Variants in CLCNKB observed in about 807,000 individuals in gnomAD.
The protein encoded by CLCNKB is chloride voltage-gated channel Kb, also known as chloride channel protein ClC-Kb.
Under a neutral mutation model 83.8 loss-of-function variants are expected in CLCNKB, and 74 were observed. The ratio of observed to expected loss-of-function variants is 0.88; its 90% confidence interval spans 0.73 to 1.07. The LOEUF is 1.07. CLCNKB is among the 50% of genes least tolerant of loss of function. CLCNKB has a pLI of 0.00. For missense variants in CLCNKB, 798 were observed against 893.6 expected (o/e 0.89, Z 1.36); for synonymous variants, 358 against 356.6 (o/e 1.00, Z -0.04).
At chr1:16,045,747 G>A in intron 3 of CLCNKB, 61 bp downstream of exon 3, 1 of 1,421,672 alleles carries the variant, frequency 7.0e-7, no homozygotes, top group South Asian at 1.1e-5. Context: ...CTCTGGGGAT[G>A]CCAGGTGGAT....
chr1:16,055,538 G>A lies in CLCNKB; in HGVS notation c.1845+15G>A. On this transcript the variant is annotated intron_variant, in intron 17 of 19. Coordinates refer to ENST00000375679, the MANE Select transcript of CLCNKB (RefSeq NM_000085.5). Reference sequence around the variant, plus strand: ...CTGGACACCAGGTGGGTACTCCTGAGGGGCATGGGGATGGGGCGGGGGTGG... The same window carrying A: ...CTGGACACCAGGTGGGTACTCCTGAAGGGCATGGGGATGGGGCGGGGGTGG... 1 of 1,591,802 alleles carries A rather than the reference G, an allele frequency of 6.3e-7. No homozygotes were observed. The highest frequency in any genetic ancestry group is 1.7e-4 in the Middle Eastern group (1 of 5,906).
At chr1:16,047,295 A>G (rs1470809436) in intron 4 of CLCNKB, among the ~76,000 whole-genome samples, 1 of 152,022 alleles carries the variant, frequency 6.6e-6, no homozygotes, top group Non-Finnish European at 1.5e-5. Flanking sequence ...ATAGAAAAAA[A>G]TCAGCTGGGC....
chr1:16,051,102 G>A (rs1001135349), intron 12 of CLCNKB, 54 bp downstream of exon 12: 2 of 1,592,354 alleles, frequency 1.3e-6, no homozygotes, highest in Non-Finnish European at 1.7e-6. Flanking sequence ...TCTGGTGGTG[G>A]TGGGGGGTAC....
In CLCNKB at chr1:16,050,501, A is replaced by G. The variant is rs749463748; in HGVS notation, c.969-15A>G. ...AAAGGGAGGGCCAGCCCTAGAGCCC[A>G]CCCATCCCCCACAGCAAGCCTGTGT... On this transcript the variant is annotated splice_polypyrimidine_tract_variant and intron_variant, in intron 10 of 19. Coordinates refer to ENST00000375679, the MANE Select transcript of CLCNKB (RefSeq NM_000085.5). 5.0e-6 allele frequency: 8 copies of G among 1,613,104 alleles called. No homozygotes were observed. The East Asian group carries it at 1.8e-4, about 36-fold the overall frequency.
Position 16,050,898 on chromosome 1 carries a change from C to T in CLCNKB, c.1077C>T (p.Asp359=), listed in dbSNP as rs1288805914. Residue 359 remains aspartate (D), a synonymous_variant, in exon 12 of 20, where the codon GAC becomes GAT. Coordinates refer to ENST00000375679, the MANE Select transcript of CLCNKB (RefSeq NM_000085.5). ...ASRLSMKQHL[D]SLFDNHSWAL... is the part of the protein sequence containing the mutation. ...AGCTGTCCATGAAGCAGCATCTGGA[C>T]TCGCTGTTCGACAACCACTCCTGGG... 6.2e-7 allele frequency: 1 copy of T among 1,612,352 alleles called. No homozygotes were observed. Among genetic ancestry groups the T allele is most frequent in the East Asian group, 2.2e-5 (1 of 44,878 alleles).
intron 13 of CLCNKB, 50 bp downstream of exon 13, chr1:16,051,597 G>C: frequency 6.2e-7 from 1 of 1,610,820 alleles, no homozygotes; most frequent in South Asian, 1.1e-5. Flanking sequence ...CTTGGGGCAG[G>C]ACCATGGCTC....
Position 16,051,741 on chromosome 1 carries a change from T to C in CLCNKB, c.1329T>C (p.Thr443=). ...CTATCGGGCGCCTCTTTGGGGAGAC[T>C]CTCTCTTTTATCTTCCCTGAGGGCA... is the stretch of plus-strand genomic sequence containing the variant. ...GAAIGRLFGE[T]LSFIFPEGIV... The change falls in exon 14 of 20, where the codon ACT becomes ACC. Residue 443 remains threonine, a synonymous_variant. Transcript: ENST00000375679. 6.2e-7 allele frequency: 1 copy of C among 1,613,770 alleles called. No homozygotes were observed. The highest frequency in any genetic ancestry group is 8.5e-7 in the Non-Finnish European group (1 of 1,179,896).
intron 19 of CLCNKB, 69 bp from the exon 20 acceptor site, chr1:16,056,800 A>G: frequency 9.1e-7 from 1 of 1,095,680 alleles, no homozygotes; most frequent in Non-Finnish European, 1.4e-6. Context: ...GGGGAACCAA[A>G]AATGCTGGAG....
chr1:16,055,669 C>T lies in CLCNKB; in HGVS notation c.1846-6C>T. 1 of 1,613,736 alleles carries T rather than the reference C, an allele frequency of 6.2e-7. No homozygotes were observed. Among genetic ancestry groups the T allele is most frequent in the Non-Finnish European group, 8.5e-7 (1 of 1,179,962 alleles). On this transcript the variant is annotated splice_region_variant and splice_polypyrimidine_tract_variant and intron_variant, in intron 17 of 19. Transcript: ENST00000375679. The stretch of plus-strand genomic sequence containing the variant: ...CCCTGCACCTGTAACCCTTCCCCAC[C>T]CCCAGCAGTGTCTCCAGGACATCTT...
chr1:16,048,059 G>T lies in CLCNKB; in HGVS notation c.498+15G>T, dbSNP rs1190063527. On this transcript the variant is annotated intron_variant, in intron 5 of 19. Coordinates refer to ENST00000375679, the MANE Select transcript of CLCNKB (RefSeq NM_000085.5). ...TCGGGAAAGTGGTATGGGCAGGGGT[G>T]AGGGCATCCCAACCACCCTACCCAC... 8 of 1,610,414 alleles carry T rather than the reference G, an allele frequency of 5.0e-6. No homozygotes were observed. Among genetic ancestry groups the T allele is most frequent in the Middle Eastern group, 3.3e-4 (2 of 6,042 alleles).
Position 16,046,560 on chromosome 1 carries a change from T to G in CLCNKB, c.255T>G (p.Ile85Met), listed in dbSNP as rs766373009. 12 of 1,613,956 alleles carry G rather than the reference T, an allele frequency of 7.4e-6. No individual in the cohort carries two copies. In the East Asian group the frequency reaches 1.8e-4, roughly 24 times the overall value. The change falls in exon 4 of 20, where the codon ATT becomes ATG. Residue 85 changes from isoleucine (I) to methionine (M), a missense_variant. Coordinates refer to ENST00000375679, the MANE Select transcript of CLCNKB (RefSeq NM_000085.5). ...CGCACCAGTGGCTGTACAGGGAGAT[T>G]GGGGACAGCCACCTGCTCCGGTATC... ...VRAHQWLYRE[I>M]GDSHLLRYLS...
chr1:16,053,404 G>C (rs2023351031), intron 15 of CLCNKB, among the ~76,000 whole-genome samples: 1 of 152,154 alleles, frequency 6.6e-6, no homozygotes, highest in Non-Finnish European at 1.5e-5. Flanking sequence ...GCTGGTCTGG[G>C]GGACACGGGG....
At position 16,048,127 on chromosome 1, in the gene CLCNKB, C is replaced by G. The variant is rs2863440; in HGVS notation, c.498+83C>G. 0.8 allele frequency: 1,226,885 copies of G among 1,541,062 alleles called. 496,521 individuals are homozygous for G. Among genetic ancestry groups the G allele is most frequent in the East Asian group, 0.99 (42,600 of 43,206 alleles). On this transcript the variant is annotated intron_variant, in intron 5 of 19. Coordinates refer to ENST00000375679, the MANE Select transcript of CLCNKB (RefSeq NM_000085.5). ...CACCCCCATCACCCCACGAAAGCTG[C>G]GTCAGAGGGGACTTGGGCTGGTCCC... is the stretch of plus-strand genomic sequence containing the variant.
chr1:16,045,756 A>G, intron 3 of CLCNKB, 70 bp downstream of exon 3: 1 of 891,776 alleles, frequency 1.1e-6, no homozygotes, highest in East Asian at 5.3e-5. Context: ...TGCCAGGTGG[A>G]TGTCGCCAGG....
Position 16,045,397 on chromosome 1 carries a change from A to G in CLCNKB, c.101-161A>G, listed in dbSNP as rs565227531. Among the ~76,000 whole-genome samples, 18 of 152,256 alleles carry G rather than the reference A, an allele frequency of 1.2e-4. No individual in the cohort carries two copies. In the South Asian group the frequency reaches 3.7e-3, roughly 32 times the overall value. ...CACCTCCCACAAATCCTGCCCGGCCACTTATGTGAGGCAGGGCCCCCTCGG... is the reference window on the plus strand; with the variant it reads ...CACCTCCCACAAATCCTGCCCGGCCGCTTATGTGAGGCAGGGCCCCCTCGG... On this transcript the variant is annotated intron_variant, in intron 2 of 19. Coordinates refer to ENST00000375679, the MANE Select transcript of CLCNKB (RefSeq NM_000085.5).
chr1:16,053,554 A>C, intron 15 of CLCNKB, 85 bp from the exon 16 acceptor site: 1 of 1,603,062 alleles, frequency 6.2e-7, no homozygotes, highest in Non-Finnish European at 8.5e-7. Flanking sequence ...TCCCCGGTTC[A>C]AGCAAAGCTC....
At chr1:16,056,072 G>A (rs943852125) in intron 18 of CLCNKB, among the ~76,000 whole-genome samples, 5 of 152,192 alleles carry the variant, frequency 3.3e-5, no homozygotes, top group African/African-American at 9.7e-5. Flanking sequence ...CAGGTCCACC[G>A]CATTCTCCCT....
intron 2 of CLCNKB, 26 bp downstream of exon 2, chr1:16,044,618 C>T: frequency 6.4e-7 from 1 of 1,552,566 alleles, no homozygotes; most frequent in Non-Finnish European, 8.8e-7. Context: ...TCTTCCCTTC[C>T]CCCTGGAGGA....
In CLCNKB at chr1:16,044,537, T is replaced by C. The variant is rs776026475; in HGVS notation, c.45T>C (p.Pro15=). The change falls in exon 2 of 20, where the codon CCT becomes CCC. Residue 15 remains proline (P), a synonymous_variant. Coordinates refer to ENST00000375679, the MANE Select transcript of CLCNKB (RefSeq NM_000085.5). ...TGCGTGAAGGCTCCTCAGGGAACCCTGTGACTCTGCAGGAGCTGTGGGGCC... is the reference window on the plus strand; with the variant it reads ...TGCGTGAAGGCTCCTCAGGGAACCCCGTGACTCTGCAGGAGCTGTGGGGCC... The part of the protein sequence containing the change: ...VGLREGSSGN[P]VTLQELWGPC... The C allele has an allele frequency of 2.1e-5, 33 of 1,607,028 alleles. No homozygotes were observed. The highest frequency in any genetic ancestry group is 2.5e-5 in the Non-Finnish European group (29 of 1,177,594).
Sources: gnomAD v4.1 joint callset for allele counts (sites outside exome capture counted in the v4.1 genomes callset) on GRCh38, gnomAD v4.1.1 for gene constraint, MANE v1.5 for transcripts, NCBI Gene and HGNC (gene_info 2026-07-23, HGNC 2026-07-21) for gene names.